ACBD5: variants seen among roughly 807,000 people sequenced by gnomAD.
The protein encoded by ACBD5 is acyl-CoA binding domain containing 5.
Under a neutral mutation model 71.8 loss-of-function variants are expected in ACBD5, and 40 were observed. That is an observed-to-expected ratio of 0.56 (90% CI 0.43 to 0.72). The LOEUF (loss-of-function observed/expected upper bound fraction) is 0.72. Ranked by LOEUF, ACBD5 falls within the 30% of genes least tolerant of loss-of-function variation. The probability of loss-of-function intolerance (pLI) is 0.00; values close to 1 mark genes in which losing one functional copy is unlikely to be tolerated. For synonymous variants in ACBD5, 229 were observed against 218.6 expected, an observed-to-expected ratio of 1.05 and a Z score of -0.42; for missense variants, 559 against 644.5, an observed-to-expected ratio of 0.87 and a Z score of 1.44.
intron 4 of ACBD5, among the ~76,000 whole-genome samples, chr10:27,227,687 C>A (rs372713275): frequency 1.3e-5 from 2 of 152,114 alleles, no homozygotes; most frequent in Non-Finnish European, 2.9e-5. Context: ...TCTGCCATGG[C>A]AACTTTCAGG....
chr10:27,190,473 C>T (rs2059033115), downstream of ACBD5, among the ~76,000 whole-genome samples: 1 of 152,132 alleles, frequency 6.6e-6, no homozygotes, highest in African/African-American at 2.4e-5. Context: ...ACCCTACTGC[C>T]TCCTGGAATA....
rs1224460254 is a variant in ACBD5 at position 27,211,011 on chromosome 10, A to G, written c.1007T>C (p.Met336Thr). Residue 336 changes from methionine to threonine, a missense_variant, in exon 9 of 13, where the codon ATG becomes ACG. Met to Thr is a moderately conservative substitution (Grantham distance 81, BLOSUM62 -1). Transcript: ENST00000396271. ...ATCTTCACGAAATCCAGAATTTTCC[A>G]TGGGTTGACTGGAATGACCACCCAA... Reference protein sequence around the residue: ...YYLGGHSSQPMENSGFREDIQ... With the variant: ...YYLGGHSSQPTENSGFREDIQ... 1 of 1,614,128 alleles carries G rather than the reference A, an allele frequency of 6.2e-7. No homozygotes were observed. Among genetic ancestry groups the G allele is most frequent in the South Asian group, 1.1e-5 (1 of 91,082 alleles).
At chr10:27,241,409 A>G (rs1446634233), upstream of ACBD5, among the ~76,000 whole-genome samples, 2 of 152,144 alleles carry the variant, frequency 1.3e-5, no homozygotes, top group African/African-American at 4.8e-5. Context: ...CAGGTCTTCG[A>G]CAGTTTTCGC....
chr10:27,235,352 C>T, intron 2 of ACBD5, 140 bp from the exon 3 acceptor site: 1 of 1,131,240 alleles, frequency 8.8e-7, no homozygotes, highest in East Asian at 2.6e-5. Context: ...CTTATAGAAA[C>T]AAAAGTTATG....
At chr10:27,217,550 C>T (rs111833489) in intron 7 of ACBD5, among the ~76,000 whole-genome samples, 11,566 of 152,068 alleles carry the variant, frequency 0.076, 636 homozygotes, top group South Asian at 0.18. Flanking sequence ...GTGCATGGCT[C>T]AAACCTGTAA....
chr10:27,223,678 G>A (rs919879979), intron 4 of ACBD5, among the ~76,000 whole-genome samples: 2 of 152,190 alleles, frequency 1.3e-5, no homozygotes, highest in African/African-American at 2.4e-5. Flanking sequence ...GGCCAAGGCA[G>A]GAGGATGGCT....
intron 13 of ACBD5, among the ~76,000 whole-genome samples, chr10:27,184,123 G>A (rs2136221560): frequency 6.6e-6 from 1 of 152,310 alleles, no homozygotes; most frequent in South Asian, 2.1e-4. Context: ...TCAGATCCCT[G>A]TCCTCGTGGA....
rs2060381357 is a variant in ACBD5, at chr10:27,205,374, T to C, written c.1405-126A>G. Reference sequence around the variant, plus strand: ...TTTTTGGTTGCTTTTGTTTTCTTTATGTATAGAACAGTTGGAACGTAGAAA... The same window carrying C: ...TTTTTGGTTGCTTTTGTTTTCTTTACGTATAGAACAGTTGGAACGTAGAAA... On this transcript the variant is annotated intron_variant, in intron 10 of 12. Coordinates refer to ENST00000396271, the MANE Select transcript of ACBD5 (RefSeq NM_145698.5). The C allele has an allele frequency of 8.0e-6, 7 of 880,418 alleles. No individual in the cohort carries two copies. In the South Asian group the frequency reaches 9.5e-5, roughly 12 times the overall value. 54.5% of individuals were successfully genotyped at this position (880,418 alleles called of 1,614,324 possible).
At chr10:27,186,355 G>A in intron 13 of ACBD5, 3 of 1,609,520 alleles carry the variant, frequency 1.9e-6, no homozygotes, top group Non-Finnish European at 2.6e-6. Flanking sequence ...ATATCATACT[G>A]TTTTGTTTTA....
chr10:27,205,275 G>C (rs371580691), intron 10 of ACBD5, 27 bp from the exon 11 acceptor site: 31 of 1,605,962 alleles, frequency 1.9e-5, no homozygotes, highest in Non-Finnish European at 2.6e-5. Flanking sequence ...AGGTGACTTA[G>C]CCTTGAAAAA....
intron 7 of ACBD5, among the ~76,000 whole-genome samples, chr10:27,217,039 G>A (rs891630438): frequency 4.6e-5 from 7 of 151,328 alleles, no homozygotes; most frequent in African/African-American, 9.7e-5. Context: ...CCAGCTACTC[G>A]GGAGGCTGAG....
rs758559934 is a variant in ACBD5, at chr10:27,223,429, A to G, written c.399T>C (p.Thr133=). The G allele has an allele frequency of 3.2e-5, 52 of 1,613,084 alleles. 2 individuals are homozygous for G. In the South Asian group the frequency reaches 5.6e-4, roughly 17 times the overall value. The change falls in exon 5 of 13, where the codon ACT becomes ACC. Residue 133 remains threonine, a synonymous_variant. Transcript: ENST00000396271. The part of the protein sequence containing the change: ...MKKIIETMPM[T]EKVEELLRVI... The stretch of plus-strand genomic sequence containing the variant: ...CACGCAGCAATTCTTCAACTTTCTC[A>G]GTCATTGGCATAGTTTCAATAATCT...
Position 27,240,220 on chromosome 10 carries a change from GA to G in ACBD5, c.181+98del. On this transcript the variant is annotated intron_variant, in intron 2 of 12. Transcript: ENST00000396271. The surrounding 1 kb of genome is among the most constrained non-coding windows in gnomAD (Gnocchi z 4.1). ...CCTTCCACTACATGGCTCCTACACA[GA>G]AAAAAAGGCTAAATAAACAACACTA... 11 of 1,595,996 alleles carry G rather than the reference GA, an allele frequency of 6.9e-6. No individual in the cohort carries two copies. The highest frequency in any genetic ancestry group is 3.4e-5 in the Admixed American group (2 of 59,024).
downstream of ACBD5, among the ~76,000 whole-genome samples, chr10:27,192,998 CAT>C (rs576172748): frequency 1.1e-4 from 17 of 151,750 alleles, no homozygotes; most frequent in South Asian, 1.7e-3. Flanking sequence ...CTCTTCAACA[CAT>C]GTTAAAGAAT....
chr10:27,241,471 C>G (rs1297265304), upstream of ACBD5, among the ~76,000 whole-genome samples: 1 of 152,146 alleles, frequency 6.6e-6, no homozygotes, highest in African/African-American at 2.4e-5. Context: ...AGGAGGTCGC[C>G]GGCTCCTAAA....
chr10:27,233,615 G>A (rs567443066), intron 3 of ACBD5, among the ~76,000 whole-genome samples: 95 of 152,170 alleles, frequency 6.2e-4, no homozygotes, highest in African/African-American at 2.3e-3. Flanking sequence ...CTACTAGGGC[G>A]GCTGAGGTGG....
Position 27,240,696 on chromosome 10 carries a change from A to G in ACBD5, c.-8T>C. The G allele has an allele frequency of 1.9e-6, 3 of 1,550,656 alleles. No individual in the cohort carries two copies. The highest frequency in any genetic ancestry group is 2.6e-6 in the Non-Finnish European group (3 of 1,146,946). ...CACCGAGAGGAAGAGCATGTCTAGC[A>G]GAAGACAGAGGGGGTCCGGGCATCG... On this transcript the variant is annotated 5_prime_UTR_variant, in exon 1 of 13. Transcript: ENST00000396271. The surrounding 1 kb of genome is among the most constrained non-coding windows in gnomAD (Gnocchi z 4.1).
At chr10:27,191,524 G>A (rs931046815), downstream of ACBD5, among the ~76,000 whole-genome samples, 1 of 152,132 alleles carries the variant, frequency 6.6e-6, no homozygotes, top group East Asian at 1.9e-4. Context: ...GGGGCGGGGG[G>A]AGAGGAGGGT....
At chr10:27,203,456 C>T (rs1467059659) in intron 12 of ACBD5, among the ~76,000 whole-genome samples, 7 of 152,146 alleles carry the variant, frequency 4.6e-5, no homozygotes, top group African/African-American at 9.7e-5. Flanking sequence ...AAGTAACCTC[C>T]GGATGGGCAC....
Sources: gnomAD v4.1 joint callset for allele counts (sites outside exome capture counted in the v4.1 genomes callset) on GRCh38, gnomAD v4.1.1 for gene constraint, Gnocchi (gnomAD v3.1) non-coding constraint, MANE v1.5 for transcripts, NCBI Gene and HGNC (gene_info 2026-07-23, HGNC 2026-07-21) for gene names.